DRC8: variants seen among roughly 807,000 people sequenced by gnomAD.
DRC8 encodes dynein regulatory complex protein 8.
chr1:245,021,571 G>A, the DRC8 span, among the ~76,000 whole-genome samples: 1 of 152,092 alleles, frequency 6.6e-6, no homozygotes, highest in Non-Finnish European at 1.5e-5. Flanking sequence ...AAGTAGCTGG[G>A]ATTACAGGTG....
the DRC8 span, among the ~76,000 whole-genome samples, chr1:245,077,199 A>G: frequency 6.6e-6 from 1 of 152,180 alleles, no homozygotes; most frequent in Non-Finnish European, 1.5e-5. Context: ...CTTAAACAAT[A>G]GAAATTTATT....
chr1:245,085,232 A>G, the DRC8 span, among the ~76,000 whole-genome samples: 3 of 152,262 alleles, frequency 2.0e-5, no homozygotes, highest in South Asian at 2.1e-4. Flanking sequence ...CAGAAGATCA[A>G]CTAGGGCTGG....
the DRC8 span, among the ~76,000 whole-genome samples, chr1:245,043,456 A>G: frequency 2.0e-5 from 3 of 152,116 alleles, no homozygotes; most frequent in Non-Finnish European, 4.4e-5. Context: ...AAAGAAAGAA[A>G]GAAAAAGAAA....
chr1:245,058,778 C>A, the DRC8 span, among the ~76,000 whole-genome samples: 2 of 152,160 alleles, frequency 1.3e-5, no homozygotes, highest in Non-Finnish European at 2.9e-5. Flanking sequence ...TTTATTGAGT[C>A]GCTGCTCTGC....
the DRC8 span, among the ~76,000 whole-genome samples, chr1:244,988,490 T>A: frequency 8.5e-5 from 13 of 152,144 alleles, no homozygotes; most frequent in Non-Finnish European, 1.9e-4. Context: ...AAATAAAAAA[T>A]TTTATTTAAT....
At chr1:245,089,616 G>A in the DRC8 span, among the ~76,000 whole-genome samples, 311 of 152,244 alleles carry the variant, frequency 2.0e-3, 2 homozygotes, top group African/African-American at 7.0e-3. This position sits in a 1 kb window ranked among gnomAD's most constrained non-coding sequence, Gnocchi z 4.8. Flanking sequence ...AGTTCATTGA[G>A]GGCCTCTCCC....
At chr1:244,995,801 A>G in the DRC8 span, among the ~76,000 whole-genome samples, 1 of 152,250 alleles carries the variant, frequency 6.6e-6, no homozygotes, top group Non-Finnish European at 1.5e-5. Context: ...TATTGCATAA[A>G]AAGGATCTCT....
chr1:245,069,505 C>G, the DRC8 span, among the ~76,000 whole-genome samples: 1 of 151,924 alleles, frequency 6.6e-6, no homozygotes, highest in East Asian at 1.9e-4. Flanking sequence ...GATTTCAAAC[C>G]CATGTTTGAG....
the DRC8 span, among the ~76,000 whole-genome samples, chr1:245,035,735 T>A: frequency 2.0e-5 from 3 of 151,608 alleles, no homozygotes; most frequent in Admixed American, 2.0e-4. Context: ...GGCACGGTGG[T>A]ACACACCTGT....
the DRC8 span, among the ~76,000 whole-genome samples, chr1:245,037,269 C>T: frequency 2.0e-5 from 3 of 152,106 alleles, no homozygotes; most frequent in Admixed American, 2.0e-4. Context: ...ATGTTAGCAA[C>T]AAAATTCAGT....
chr1:245,082,513 A>G, the DRC8 span, among the ~76,000 whole-genome samples: 4 of 152,238 alleles, frequency 2.6e-5, no homozygotes, highest in Non-Finnish European at 4.4e-5. Context: ...GGTTCATCAT[A>G]GAAGTCTTGT....
At chr1:244,973,085 TAAG>T in the DRC8 span, among the ~76,000 whole-genome samples, 1 of 152,180 alleles carries the variant, frequency 6.6e-6, no homozygotes, top group Non-Finnish European at 1.5e-5. Context: ...CAGAATTGAT[TAAG>T]TTTTGAGGAT....
the DRC8 span, among the ~76,000 whole-genome samples, chr1:245,085,297 G>A: frequency 2.8e-4 from 42 of 152,338 alleles, no homozygotes; most frequent in African/African-American, 9.1e-4. Flanking sequence ...GGTTTTTTGA[G>A]ATGGTAGAAT....
At chr1:245,056,942 A>AAAAAAAAG in the DRC8 span, among the ~76,000 whole-genome samples, 2 of 151,770 alleles carry the variant, frequency 1.3e-5, no homozygotes, top group African/African-American at 4.8e-5. Context: ...TCTCAAAAAA[A>AAAAAAAAG]AAAAGAAAAA....
the DRC8 span, chr1:245,123,027 G>A: frequency 6.6e-6 from 1 of 152,102 alleles, no homozygotes; most frequent in Non-Finnish European, 1.5e-5. The surrounding 1 kb of genome is among the most constrained non-coding windows in gnomAD (Gnocchi z 5.0). Context: ...TTCATTTAGT[G>A]TAAGGCTTTT....
the DRC8 span, among the ~76,000 whole-genome samples, chr1:245,094,243 T>A: frequency 6.6e-6 from 1 of 152,176 alleles, no homozygotes; most frequent in Non-Finnish European, 1.5e-5. Context: ...GATGAAGAGC[T>A]CATCCTGGTG....
the DRC8 span, among the ~76,000 whole-genome samples, chr1:245,033,392 C>T: frequency 4.6e-5 from 7 of 152,144 alleles, no homozygotes; most frequent in South Asian, 2.1e-4. Context: ...CCCTTGTCTA[C>T]GTTGGGAAAA....
the DRC8 span, among the ~76,000 whole-genome samples, chr1:245,051,209 G>A: frequency 0.15 from 22,025 of 151,656 alleles, 1,786 homozygotes; most frequent in Middle Eastern, 0.26. Context: ...GGGCAACATA[G>A]CAAGACTCTG....
At chr1:245,095,686 C>G in the DRC8 span, among the ~76,000 whole-genome samples, 3 of 152,164 alleles carry the variant, frequency 2.0e-5, no homozygotes, top group Non-Finnish European at 2.9e-5. Flanking sequence ...CCACACCTGG[C>G]CTATTTAATT....
Sources: gnomAD v4.1 joint callset for allele counts (sites outside exome capture counted in the v4.1 genomes callset) on GRCh38, gnomAD v4.1.1 for gene constraint, Gnocchi (gnomAD v3.1) non-coding constraint, MANE v1.5 for transcripts, NCBI Gene and HGNC (gene_info 2026-07-23, HGNC 2026-07-21) for gene names.